The following ARHGEF38 variants were observed in gnomAD, a reference collection of about 807,000 sequenced individuals.
ARHGEF38 encodes Rho guanine nucleotide exchange factor 38.
In ARHGEF38, 79 loss-of-function variants were observed where a neutral mutation model predicts 79.9. That is an observed-to-expected ratio of 0.99 (90% CI 0.82 to 1.19). The LOEUF is 1.19. Among genes scored for constraint, ARHGEF38 ranks in the 50% most tolerant of loss-of-function variants. ARHGEF38 has a pLI of 0.00. For missense variants in ARHGEF38, 962 were observed against 907.2 expected (o/e 1.06, Z -0.78); for synonymous variants, 366 against 328.3 (o/e 1.11, Z -1.24).
At chr4:105,619,503 CT>C (rs1469042419) in intron 3 of ARHGEF38, among the ~76,000 whole-genome samples, 1 of 151,870 alleles carries the variant, frequency 6.6e-6, no homozygotes, top group African/African-American at 2.4e-5. Flanking sequence ...TGGAGTGATT[CT>C]TTTTTTTCCT....
chr4:105,567,380 AT>A (rs1725978436), intron 1 of ARHGEF38, among the ~76,000 whole-genome samples: 1 of 152,208 alleles, frequency 6.6e-6, no homozygotes, highest in Non-Finnish European at 1.5e-5. Context: ...ACTTTATAAA[AT>A]TATGTCAAAA....
At chr4:105,560,237 TG>T (rs1725448933) in intron 1 of ARHGEF38, among the ~76,000 whole-genome samples, 1 of 152,218 alleles carries the variant, frequency 6.6e-6, no homozygotes, top group Non-Finnish European at 1.5e-5. Context: ...ATACTTTTTT[TG>T]TTTAGTTGTC....
At chr4:105,603,764 A>T (rs2110478916) in intron 2 of ARHGEF38, among the ~76,000 whole-genome samples, 1 of 152,210 alleles carries the variant, frequency 6.6e-6, no homozygotes, top group East Asian at 1.9e-4. Context: ...GAACTGTGGG[A>T]GTACAGATTC....
rs560113183 is a variant in ARHGEF38 at position 105,567,429 on chromosome 4, T to A, written c.196+14468T>A. Among the ~76,000 whole-genome samples the A allele has an allele frequency of 2.0e-5, 3 of 152,300 alleles. No homozygotes were observed. In the South Asian group the frequency reaches 6.2e-4, roughly 32 times the overall value. Reference sequence around the variant, plus strand: ...TTTCACAGAAACATACACATGGTATTTTACCCTCATATTTCATTAATTATG... The same window carrying A: ...TTTCACAGAAACATACACATGGTATATTACCCTCATATTTCATTAATTATG... On this transcript the variant is annotated intron_variant, in intron 1 of 13. Transcript: ENST00000420470.
At chr4:105,585,958 T>C (rs1195583223) in intron 1 of ARHGEF38, among the ~76,000 whole-genome samples, 2 of 152,018 alleles carry the variant, frequency 1.3e-5, no homozygotes, top group South Asian at 2.1e-4. Flanking sequence ...ATGAAACTCC[T>C]AACCTCAGGT....
intron 6 of ARHGEF38, among the ~76,000 whole-genome samples, chr4:105,646,589 C>A (rs537106612): frequency 2.0e-5 from 3 of 152,162 alleles, no homozygotes; most frequent in Non-Finnish European, 4.4e-5. Flanking sequence ...GTTGAAGATG[C>A]ACAGACCGGA....
At chr4:105,671,968 G>A (rs1192781922) in intron 13 of ARHGEF38, among the ~76,000 whole-genome samples, 1 of 151,980 alleles carries the variant, frequency 6.6e-6, no homozygotes, top group Non-Finnish European at 1.5e-5. Context: ...TTTATTGATG[G>A]GTCTAGTGGG....
At chr4:105,578,343 G>T (rs183583649) in intron 1 of ARHGEF38, among the ~76,000 whole-genome samples, 49 of 152,150 alleles carry the variant, frequency 3.2e-4, no homozygotes, top group Admixed American at 7.2e-4. Context: ...GTGGCCTATT[G>T]TATGGTCTGT....
chr4:105,628,051 T>G (rs562370352), intron 3 of ARHGEF38, among the ~76,000 whole-genome samples: 5 of 152,118 alleles, frequency 3.3e-5, no homozygotes, highest in Non-Finnish European at 5.9e-5. Flanking sequence ...AAGATTCTTC[T>G]GTTAAAGTAA....
At chr4:105,645,147 A>G in intron 5 of ARHGEF38, 41 bp from the exon 6 acceptor site, 3 of 1,252,258 alleles carry the variant, frequency 2.4e-6, no homozygotes, top group Non-Finnish European at 3.1e-6. Flanking sequence ...TGTTAATAAA[A>G]CATATGTTTG....
chr4:105,657,018 G>C (rs934164140), intron 9 of ARHGEF38, among the ~76,000 whole-genome samples: 30 of 150,906 alleles, frequency 2.0e-4, no homozygotes, highest in Non-Finnish European at 7.4e-5. Context: ...GTGATGATGA[G>C]ATAGATAGAT....
At chr4:105,582,676 T>C (rs954014331) in intron 1 of ARHGEF38, among the ~76,000 whole-genome samples, 1 of 152,168 alleles carries the variant, frequency 6.6e-6, no homozygotes, top group African/African-American at 2.4e-5. Flanking sequence ...AAAAATACTA[T>C]GTAATCTCTA....
chr4:105,680,065 T>A lies in ARHGEF38; in HGVS notation c.*2128T>A. 2.5e-6 allele frequency: 2 copies of A among 796,114 alleles called. No homozygotes were observed. Among genetic ancestry groups the A allele is most frequent in the Non-Finnish European group, 4.5e-6 (2 of 440,994 alleles). The allele number at this position is 796,114 out of a possible 1,614,324, so 49.3% of individuals were successfully genotyped here. On this transcript the variant is annotated 3_prime_UTR_variant, in exon 14 of 14. Transcript: ENST00000420470. ...TCTCACAGAAAATAATAGCCCTCCC[T>A]TCAGATCCACTGTAGACTTGAAGGA...
Position 105,679,800 on chromosome 4 carries a change from C to T in ARHGEF38, c.*1863C>T, listed in dbSNP as rs1440745563. 1.9e-5 allele frequency: 21 copies of T among 1,102,362 alleles called. No homozygotes were observed. The highest frequency in any genetic ancestry group is 5.2e-5 in the Admixed American group (3 of 57,426). 68.3% of individuals were successfully genotyped at this position (1,102,362 alleles called of 1,614,324 possible). ...ACCCCTGTCTGTCCAGCTTTACCCA[C>T]GCATCCAGAGAGATGGATATAGGAC... On this transcript the variant is annotated 3_prime_UTR_variant, in exon 14 of 14. Coordinates refer to ENST00000420470, the MANE Select transcript of ARHGEF38 (RefSeq NM_001242729.2).
At chr4:105,681,176 C>A (rs1731298189), downstream of ARHGEF38, among the ~76,000 whole-genome samples, 1 of 151,716 alleles carries the variant, frequency 6.6e-6, no homozygotes, top group Admixed American at 6.6e-5. Flanking sequence ...ACATTTACTG[C>A]CTATTGAGAT....
At chr4:105,667,958 C>A (rs974712455) in intron 13 of ARHGEF38, among the ~76,000 whole-genome samples, 1 of 152,108 alleles carries the variant, frequency 6.6e-6, no homozygotes, top group South Asian at 2.1e-4. Context: ...TAAATGGGAG[C>A]TATTACTATT....
chr4:105,575,038 C>T (rs1726428727), intron 1 of ARHGEF38, among the ~76,000 whole-genome samples: 1 of 146,934 alleles, frequency 6.8e-6, no homozygotes. Flanking sequence ...ACACACACAC[C>T]ATATTTTCTG....
At chr4:105,565,618 C>A (rs753594220) in intron 1 of ARHGEF38, among the ~76,000 whole-genome samples, 9 of 152,104 alleles carry the variant, frequency 5.9e-5, no homozygotes, top group Non-Finnish European at 1.2e-4. Context: ...CTGATAGAGG[C>A]AGGGAGGGAG....
At chr4:105,666,709 G>C (rs554939130) in intron 11 of ARHGEF38, among the ~76,000 whole-genome samples, 7 of 152,236 alleles carry the variant, frequency 4.6e-5, no homozygotes, top group South Asian at 4.1e-4. Flanking sequence ...CCGAGCTGAG[G>C]GGGGGAGTAT....
Sources: allele counts gnomAD v4.1 joint callset (sites outside exome capture counted in the v4.1 genomes callset), GRCh38; gene constraint gnomAD v4.1.1; transcripts MANE v1.5; gene names NCBI Gene and HGNC (gene_info 2026-07-23, HGNC 2026-07-21).